The following ZDHHC15 variants were observed in gnomAD, a reference collection of about 807,000 sequenced individuals.
The protein encoded by ZDHHC15 is palmitoyltransferase ZDHHC15.
ZDHHC15 carries 19 observed loss-of-function variants against 31.7 expected under a neutral mutation model. The observed-to-expected ratio is 0.60, with a 90% confidence interval of 0.42 to 0.88. ZDHHC15 has a LOEUF of 0.88. Among genes scored for constraint, ZDHHC15 ranks in the 40% least tolerant of loss-of-function variants. ZDHHC15 has a pLI of 0.00. For missense variants in ZDHHC15, 209 were observed against 251.2 expected (o/e 0.83, Z 1.14); for synonymous variants, 103 against 90.0 (o/e 1.14, Z -0.82).
chrX:75,415,171 T>A (rs948376959), intron 10 of ZDHHC15, among the ~76,000 whole-genome samples: 4 of 111,960 alleles, frequency 3.6e-5, no homozygotes, highest in Non-Finnish European at 7.5e-5. Context: ...TACACACATG[T>A]AATTTCAACT....
intron 8 of ZDHHC15, among the ~76,000 whole-genome samples, chrX:75,423,100 A>T (rs372653009): frequency 9.4e-6 from 1 of 105,919 alleles, no homozygotes; most frequent in East Asian, 3.1e-4. Context: ...GCAGCCTTAA[A>T]CTCCTGGCCA....
intron 10 of ZDHHC15, among the ~76,000 whole-genome samples, chrX:75,395,864 C>T (rs2083293960): frequency 9.0e-6 from 1 of 111,526 alleles, no homozygotes; most frequent in African/African-American, 3.3e-5. Context: ...AACTTATTGT[C>T]AACAAAAATG....
chrX:75,477,785 G>A (rs2084629633), intron 3 of ZDHHC15, among the ~76,000 whole-genome samples: 1 of 111,684 alleles, frequency 9.0e-6, no homozygotes. Context: ...CAGTATAAAG[G>A]TAAATCACAA....
At chrX:75,470,905 A>C (rs981457221) in intron 3 of ZDHHC15, among the ~76,000 whole-genome samples, 2 of 111,945 alleles carry the variant, frequency 1.8e-5, no homozygotes, top group Admixed American at 9.5e-5. Context: ...AAACAGTATC[A>C]CATCCCTGGA....
intron 9 of ZDHHC15, among the ~76,000 whole-genome samples, chrX:75,421,121 T>A (rs1325759082): frequency 9.4e-6 from 1 of 106,049 alleles, no homozygotes; most frequent in Non-Finnish European, 1.9e-5. Flanking sequence ...GTATTTCTCT[T>A]CTGCTGCTTC....
At chrX:75,391,936 T>C (rs781498963) in intron 10 of ZDHHC15, among the ~76,000 whole-genome samples, 4 of 111,854 alleles carry the variant, frequency 3.6e-5, no homozygotes, top group African/African-American at 1.3e-4. Flanking sequence ...AAGATACAAA[T>C]AGACATAAAA....
chrX:75,510,571 A>C (rs1354346817), intron 1 of ZDHHC15, among the ~76,000 whole-genome samples: 1 of 66,681 alleles, frequency 1.5e-5, no homozygotes, highest in East Asian at 4.0e-4. Context: ...TATTATTATT[A>C]TTATTATTAT....
At chrX:75,424,530 TG>T in intron 8 of ZDHHC15, 121 bp downstream of exon 8, 2 of 724,788 alleles carry the variant, frequency 2.8e-6, no homozygotes, top group African/African-American at 2.2e-5. Flanking sequence ...TGTCTCAGTC[TG>T]GGGGTAGAGG....
intron 3 of ZDHHC15, among the ~76,000 whole-genome samples, chrX:75,477,772 A>G (rs1019553494): frequency 8.9e-6 from 1 of 111,981 alleles, no homozygotes; most frequent in East Asian, 2.8e-4. Flanking sequence ...AGACTTTTGT[A>G]AACAGTATAA....
chrX:75,487,212 A>G (rs1479796408), intron 2 of ZDHHC15, among the ~76,000 whole-genome samples: 1 of 112,009 alleles, frequency 8.9e-6, no homozygotes, highest in Non-Finnish European at 1.9e-5. Flanking sequence ...TGCTAGCATA[A>G]CCAGTATTTG....
At chrX:75,509,745 T>C (rs1295353512) in intron 1 of ZDHHC15, among the ~76,000 whole-genome samples, 1 of 112,732 alleles carries the variant, frequency 8.9e-6, no homozygotes, top group Non-Finnish European at 1.9e-5. Context: ...AGTAATAACA[T>C]ATGTGTAAAG....
At position 75,503,981 on chromosome X, in the gene ZDHHC15, C is replaced by T. The variant is rs2085122593; in HGVS notation, c.163+1840G>A. 2.7e-5 allele frequency among the ~76,000 whole-genome samples: 3 copies of T among 111,081 alleles called. No individual in the cohort carries two copies. The South Asian group carries it at 1.1e-3, about 42-fold the overall frequency. On this transcript the variant is annotated intron_variant, in intron 2 of 11. Coordinates refer to ENST00000373367, the MANE Select transcript of ZDHHC15 (RefSeq NM_144969.3). ...TCTGTCTCCATTTTCATATGGCTGTCCTCTCTCTGTATGTGTCTGTGTATC... is the reference window on the plus strand; with the variant it reads ...TCTGTCTCCATTTTCATATGGCTGTTCTCTCTCTGTATGTGTCTGTGTATC...
chrX:75,461,749 C>G (rs1172913013), intron 3 of ZDHHC15, among the ~76,000 whole-genome samples: 2 of 111,890 alleles, frequency 1.8e-5, no homozygotes, highest in African/African-American at 6.5e-5. Flanking sequence ...TAATTGCCAC[C>G]AGGCCTGCCT....
intron 2 of ZDHHC15, among the ~76,000 whole-genome samples, chrX:75,481,810 A>C (rs2084693184): frequency 8.9e-6 from 1 of 111,988 alleles, no homozygotes; most frequent in Admixed American, 9.5e-5. Flanking sequence ...CTCAAATTTC[A>C]GTCTGCATCA....
At chrX:75,496,323 G>T (rs1237920215) in intron 2 of ZDHHC15, among the ~76,000 whole-genome samples, 1 of 111,322 alleles carries the variant, frequency 9.0e-6, no homozygotes, top group Non-Finnish European at 1.9e-5. Flanking sequence ...AAATATATAT[G>T]CACCTAACAC....
At chrX:75,402,266 C>T (rs1375284748) in intron 10 of ZDHHC15, among the ~76,000 whole-genome samples, 1 of 111,535 alleles carries the variant, frequency 9.0e-6, no homozygotes. Context: ...ATTCATAGCA[C>T]TAAATGCCCA....
At chrX:75,426,561 C>T (rs1412332802) in intron 7 of ZDHHC15, among the ~76,000 whole-genome samples, 1 of 111,016 alleles carries the variant, frequency 9.0e-6, no homozygotes, top group Non-Finnish European at 1.9e-5. Context: ...TGAATACTGG[C>T]AGAATAATGC....
intron 11 of ZDHHC15, among the ~76,000 whole-genome samples, chrX:75,376,589 A>T (rs1010097108): frequency 9.0e-6 from 1 of 111,212 alleles, no homozygotes; most frequent in Non-Finnish European, 1.9e-5. Flanking sequence ...TATGGAGAAA[A>T]GTAAGGGTCC....
intron 1 of ZDHHC15, among the ~76,000 whole-genome samples, chrX:75,515,163 C>T (rs979003931): frequency 2.5e-4 from 28 of 111,474 alleles, no homozygotes; most frequent in African/African-American, 8.2e-4. Context: ...GGAGCTGGTA[C>T]CATTTCTTCT....
Sources: gnomAD v4.1 joint callset for allele counts (sites outside exome capture counted in the v4.1 genomes callset) on GRCh38, gnomAD v4.1.1 for gene constraint, MANE v1.5 for transcripts, NCBI Gene and HGNC (gene_info 2026-07-23, HGNC 2026-07-21) for gene names.